Variants in DPY19L3 observed in about 807,000 individuals in gnomAD.
DPY19L3 encodes the protein dpy-19 like C-mannosyltransferase 3.
A neutral mutation model predicts 92.3 loss-of-function variants in DPY19L3; 51 were observed. The observed-to-expected ratio is 0.55, with a 90% CI of 0.44 to 0.70. The LOEUF (loss-of-function observed/expected upper bound fraction) is 0.70. Ranked by LOEUF, DPY19L3 falls within the 30% of genes least tolerant of loss-of-function variation. The pLI, the probability that DPY19L3 is intolerant of heterozygous loss-of-function variation, is 0.00. For synonymous variants in DPY19L3, 309 were observed against 315.2 expected, an observed-to-expected ratio of 0.98 and a Z score of 0.21; for missense variants, 706 against 855.9, an observed-to-expected ratio of 0.82 and a Z score of 2.18.
intron 3 of DPY19L3, among the ~76,000 whole-genome samples, chr19:32,425,176 A>G (rs1338521302): frequency 2.6e-5 from 4 of 152,204 alleles, no homozygotes; most frequent in African/African-American, 9.6e-5. Context: ...CCAAAACTTC[A>G]TAGAGACCAC....
chr19:32,419,554 G>A (rs1968494677), intron 3 of DPY19L3, among the ~76,000 whole-genome samples: 1 of 151,868 alleles, frequency 6.6e-6, no homozygotes, highest in Admixed American at 6.6e-5. Flanking sequence ...TGAACTCCTG[G>A]GCTCAAGCAG....
Position 32,458,186 on chromosome 19 carries a change from T to G in DPY19L3, c.1163+13T>G, listed in dbSNP as rs1484676318. On this transcript the variant is annotated intron_variant, in intron 11 of 18. Coordinates refer to ENST00000392250, the MANE Select transcript of DPY19L3 (RefSeq NM_001172774.2). ...TTGGAGCAACAAGGTATAACTGAAT[T>G]GAAAGTCTATGTTTGCTATTTTCTA... The G allele has an allele frequency of 1.2e-6, 2 of 1,609,990 alleles. No homozygotes were observed. The highest frequency in any genetic ancestry group is 1.7e-6 in the Non-Finnish European group (2 of 1,178,072).
In DPY19L3 at chr19:32,477,674, C is replaced by A. The variant is rs1329549867; in HGVS notation, c.1830+20C>A. 1 of 1,613,426 alleles carries A rather than the reference C, an allele frequency of 6.2e-7. No individual in the cohort carries two copies. Among genetic ancestry groups the A allele is most frequent in the Non-Finnish European group, 8.5e-7 (1 of 1,179,952 alleles). ...AGAGCGGTGAGGCTCCCCAGTGCCT[C>A]CCCTCGCTTCTTGTGGGCCAGCTAT... is the stretch of plus-strand genomic sequence containing the variant. On this transcript the variant is annotated intron_variant, in intron 17 of 18. Transcript: ENST00000392250.
intron 3 of DPY19L3, among the ~76,000 whole-genome samples, chr19:32,430,151 G>A (rs1210365047): frequency 1.3e-5 from 2 of 152,170 alleles, no homozygotes; most frequent in East Asian, 3.8e-4. Context: ...CACTTTGGGA[G>A]GCCACGGCAG....
chr19:32,421,757 A>G (rs1968579143), intron 3 of DPY19L3, among the ~76,000 whole-genome samples: 1 of 152,092 alleles, frequency 6.6e-6, no homozygotes, highest in African/African-American at 2.4e-5. Context: ...GAGTAGGACC[A>G]TGGGATGGGT....
chr19:32,455,320 A>G (rs187295922), intron 10 of DPY19L3, among the ~76,000 whole-genome samples: 24 of 152,248 alleles, frequency 1.6e-4, no homozygotes, highest in Non-Finnish European at 3.2e-4. Context: ...ACGTGACTCA[A>G]GAGTTACCAG....
At chr19:32,471,938 A>G (rs1257472490) in intron 16 of DPY19L3, among the ~76,000 whole-genome samples, 1 of 152,192 alleles carries the variant, frequency 6.6e-6, no homozygotes, top group South Asian at 2.1e-4. Flanking sequence ...ACTTATTAAT[A>G]TAGTTCAGCA....
chr19:32,464,927 A>G, intron 15 of DPY19L3, 143 bp downstream of exon 15: 1 of 411,778 alleles, frequency 2.4e-6, no homozygotes. Context: ...TGAAGGTGAC[A>G]TTGATGGGAA....
At chr19:32,445,659 A>C (rs1439700830) in intron 8 of DPY19L3, among the ~76,000 whole-genome samples, 3 of 152,170 alleles carry the variant, frequency 2.0e-5, no homozygotes, top group African/African-American at 7.2e-5. Context: ...GAAAAAAGTA[A>C]AAATGTGAAT....
chr19:32,448,858 C>G (rs1346101012), intron 8 of DPY19L3, among the ~76,000 whole-genome samples: 1 of 152,150 alleles, frequency 6.6e-6, no homozygotes, highest in African/African-American at 2.4e-5. Context: ...CGCTGATAAT[C>G]CAGGACTTCC....
intron 8 of DPY19L3, among the ~76,000 whole-genome samples, chr19:32,443,057 T>TC (rs1204055845): frequency 2.6e-5 from 4 of 152,150 alleles, no homozygotes; most frequent in Non-Finnish European, 5.9e-5. Context: ...AGGTTGAGAC[T>TC]CTAACCACCA....
intron 15 of DPY19L3, chr19:32,467,582 C>T (rs1970236435): frequency 1.0e-6 from 1 of 987,180 alleles, no homozygotes; most frequent in Admixed American, 6.2e-5. Flanking sequence ...ATGAGATGAC[C>T]AAAAAAACAG....
At chr19:32,452,733 G>A (rs1269068505) in intron 8 of DPY19L3, among the ~76,000 whole-genome samples, 2 of 151,872 alleles carry the variant, frequency 1.3e-5, no homozygotes, top group Non-Finnish European at 2.9e-5. Context: ...TCACTCTGTC[G>A]CCCAGGCTGG....
chr19:32,477,372 C>A, intron 16 of DPY19L3, 150 bp from the exon 17 acceptor site: 1 of 1,020,970 alleles, frequency 9.8e-7, no homozygotes, highest in Non-Finnish European at 1.4e-6. Context: ...GAGTACAAAT[C>A]AAAACCGAAG....
rs1970720034 is a variant in DPY19L3, at chr19:32,483,126, A to G, written c.*886A>G. 6.6e-6 allele frequency: 1 copy of G among 151,978 alleles called. No individual in the cohort carries two copies. The highest frequency in any genetic ancestry group is 6.5e-5 in the Admixed American group (1 of 15,268). The allele number at this position is 151,978 out of a possible 1,614,324, so 9.4% of individuals were successfully genotyped here. On this transcript the variant is annotated 3_prime_UTR_variant, in exon 19 of 19. Coordinates refer to ENST00000392250, the MANE Select transcript of DPY19L3 (RefSeq NM_001172774.2). ...AACTTTTTGTGTTTTTAGCCTTTGT[A>G]TTTTTTACAGCCTAGAATCTTGCAA...
At chr19:32,449,847 G>A (rs1453036465) in intron 8 of DPY19L3, among the ~76,000 whole-genome samples, 2 of 152,112 alleles carry the variant, frequency 1.3e-5, no homozygotes, top group Admixed American at 6.5e-5. Context: ...TCCTGACCTT[G>A]GAGTAGCACA....
chr19:32,463,537 T>C (rs1281113384), intron 13 of DPY19L3, 49 bp downstream of exon 13: 1 of 1,577,900 alleles, frequency 6.3e-7, no homozygotes, highest in East Asian at 2.3e-5. Context: ...TCACTCTTGA[T>C]GTTACTTAGC....
intron 15 of DPY19L3, chr19:32,467,507 T>C: frequency 1.0e-6 from 1 of 987,604 alleles, no homozygotes; most frequent in Non-Finnish European, 1.2e-6. Context: ...TTCCCATCAC[T>C]AGCAATTTTC....
chr19:32,453,927 AACATCCTGTTTC>A (rs1380568138), intron 9 of DPY19L3, among the ~76,000 whole-genome samples: 1 of 152,132 alleles, frequency 6.6e-6, no homozygotes, highest in Admixed American at 6.6e-5. Flanking sequence ...TTAAAATTAC[AACATCCTGTTTC>A]ACATATGCTA....
Sources: allele counts gnomAD v4.1 joint callset (sites outside exome capture counted in the v4.1 genomes callset), GRCh38; gene constraint gnomAD v4.1.1; transcripts MANE v1.5; gene names NCBI Gene and HGNC (gene_info 2026-07-23, HGNC 2026-07-21).